Variants in GPC5 observed in about 807,000 individuals in gnomAD.
GPC5 encodes glypican-5.
Under a neutral mutation model 53.9 loss-of-function variants are expected in GPC5, and 47 were observed. The ratio of observed to expected loss-of-function variants is 0.87; its 90% CI spans 0.69 to 1.11. The LOEUF is 1.11. Ranked by LOEUF, GPC5 falls within the 50% of genes most tolerant of loss-of-function variation. GPC5 has a pLI of 0.00. For missense variants in GPC5, 748 were observed against 713.1 expected (o/e 1.05, Z -0.56); for synonymous variants, 286 against 263.3 (o/e 1.09, Z -0.84).
At chr13:91,901,098 G>A (rs997571050) in intron 5 of GPC5, among the ~76,000 whole-genome samples, 3 of 151,874 alleles carry the variant, frequency 2.0e-5, no homozygotes, top group Non-Finnish European at 4.4e-5. Context: ...CTTTATTAAT[G>A]TTAATGACAT....
intron 7 of GPC5, among the ~76,000 whole-genome samples, chr13:92,628,254 CTT>C (rs1417470031): frequency 1.2e-4 from 7 of 59,604 alleles, no homozygotes; most frequent in African/African-American, 4.0e-4. Flanking sequence ...TTTTCTTTTT[CTT>C]TTTCTTTCTT....
intron 7 of GPC5, among the ~76,000 whole-genome samples, chr13:92,634,507 G>A (rs190910255): frequency 1.6e-4 from 24 of 151,920 alleles, no homozygotes; most frequent in Admixed American, 1.2e-3. Flanking sequence ...TTGAGTATTC[G>A]ATTCTTTCTC....
chr13:92,417,298 G>A (rs971855068), intron 7 of GPC5, among the ~76,000 whole-genome samples: 1 of 152,090 alleles, frequency 6.6e-6, no homozygotes, highest in Non-Finnish European at 1.5e-5. Context: ...TGAACACTCC[G>A]ATGAGATACC....
At chr13:92,088,218 A>G (rs1247994939) in intron 6 of GPC5, among the ~76,000 whole-genome samples, 1 of 152,194 alleles carries the variant, frequency 6.6e-6, no homozygotes, top group Non-Finnish European at 1.5e-5. Flanking sequence ...CTGCTCTTCC[A>G]TACCGTTCCA....
intron 7 of GPC5, among the ~76,000 whole-genome samples, chr13:92,772,190 A>G (rs1219519660): frequency 1.3e-5 from 2 of 152,030 alleles, no homozygotes; most frequent in East Asian, 3.9e-4. Context: ...CCTGATTCCA[A>G]CCTTGTTTTC....
chr13:92,384,606 C>A (rs2043777073), intron 7 of GPC5, among the ~76,000 whole-genome samples: 1 of 152,080 alleles, frequency 6.6e-6, no homozygotes, highest in Admixed American at 6.6e-5. Context: ...GCCGAGTGAT[C>A]TTAAAAGCAG....
At chr13:92,311,273 A>T (rs2043143295) in intron 7 of GPC5, among the ~76,000 whole-genome samples, 2 of 152,178 alleles carry the variant, frequency 1.3e-5, no homozygotes, top group Admixed American at 1.3e-4. Flanking sequence ...ATGTGCAGGA[A>T]CTCTCCTGGC....
intron 7 of GPC5, among the ~76,000 whole-genome samples, chr13:92,505,090 A>T (rs1164075240): frequency 6.6e-6 from 1 of 151,870 alleles, no homozygotes; most frequent in Non-Finnish European, 1.5e-5. Context: ...GTTACAGTTC[A>T]CATTAACAGT....
chr13:91,586,234 G>T (rs1007021211), intron 2 of GPC5, among the ~76,000 whole-genome samples: 2 of 150,210 alleles, frequency 1.3e-5, no homozygotes, highest in East Asian at 2.0e-4. Flanking sequence ...TAAGCTTCAA[G>T]TTTCCATGAT....
intron 7 of GPC5, among the ~76,000 whole-genome samples, chr13:92,277,856 G>T (rs1436295774): frequency 1.3e-5 from 2 of 151,822 alleles, no homozygotes; most frequent in African/African-American, 4.8e-5. Context: ...AATATGATGG[G>T]CAGTAAGGTC....
At chr13:92,399,873 G>A (rs903841901) in intron 7 of GPC5, among the ~76,000 whole-genome samples, 1 of 152,154 alleles carries the variant, frequency 6.6e-6, no homozygotes, top group Non-Finnish European at 1.5e-5. Context: ...CATCACACTG[G>A]ATACTTACTT....
intron 2 of GPC5, among the ~76,000 whole-genome samples, chr13:91,646,452 T>C (rs1328965793): frequency 6.6e-6 from 1 of 151,924 alleles, no homozygotes; most frequent in Non-Finnish European, 1.5e-5. Context: ...ATGATTATAC[T>C]ATATATATAG....
chr13:92,866,001 C>T (rs1020019816), intron 7 of GPC5, among the ~76,000 whole-genome samples: 9 of 152,132 alleles, frequency 5.9e-5, no homozygotes, highest in Admixed American at 3.3e-4. Context: ...AATGTCTTCA[C>T]TTACTTACCA....
At chr13:92,489,024 A>C (rs527674440) in intron 7 of GPC5, among the ~76,000 whole-genome samples, 1 of 152,302 alleles carries the variant, frequency 6.6e-6, no homozygotes, top group East Asian at 1.9e-4. Context: ...TTAATATATC[A>C]GTTATTTTCT....
At chr13:91,478,519 GT>G (rs1883070700) in intron 2 of GPC5, among the ~76,000 whole-genome samples, 1 of 151,312 alleles carries the variant, frequency 6.6e-6, no homozygotes, top group Non-Finnish European at 1.5e-5. Context: ...TACATTTATT[GT>G]TTTTACATTA....
intron 7 of GPC5, among the ~76,000 whole-genome samples, chr13:92,228,730 A>T (rs9301786): frequency 0.27 from 41,054 of 151,990 alleles, 5,688 homozygotes; most frequent in South Asian, 0.45. Context: ...TTAGGAACTG[A>T]CTAGAGACTA....
chr13:91,970,572 T>G (rs2040232107), intron 6 of GPC5, among the ~76,000 whole-genome samples: 1 of 152,150 alleles, frequency 6.6e-6, no homozygotes. Context: ...ACACAGTTTG[T>G]ATTTGTCAGT....
At chr13:92,816,065 A>T (rs1877462167) in intron 7 of GPC5, among the ~76,000 whole-genome samples, 1 of 151,984 alleles carries the variant, frequency 6.6e-6, no homozygotes, top group Admixed American at 6.5e-5. Flanking sequence ...ATTTAAAGCC[A>T]CAGGACCAGA....
chr13:91,675,710 A>G (rs761281427), intron 2 of GPC5, among the ~76,000 whole-genome samples: 2 of 152,206 alleles, frequency 1.3e-5, no homozygotes, highest in Non-Finnish European at 2.9e-5. Flanking sequence ...TGTGTTCCAG[A>G]TAGAAAAAAG....
Sources: allele counts gnomAD v4.1 joint callset (sites outside exome capture counted in the v4.1 genomes callset), GRCh38; gene constraint gnomAD v4.1.1; transcripts MANE v1.5; gene names NCBI Gene and HGNC (gene_info 2026-07-23, HGNC 2026-07-21).